Variants in CXCR4 observed in about 807,000 individuals in gnomAD.
The protein encoded by CXCR4 is C-X-C chemokine receptor type 4.
A neutral mutation model predicts 22.4 loss-of-function variants in CXCR4; 6 were observed. The ratio of observed to expected loss-of-function variants is 0.27; its 90% CI spans 0.15 to 0.53. The LOEUF is 0.53. Among genes scored for constraint, CXCR4 ranks in the 20% least tolerant of loss-of-function variants. CXCR4 has a pLI of 0.96. For missense variants in CXCR4, 300 were observed against 430.4 expected (o/e 0.70, Z 2.68); for synonymous variants, 155 against 171.7 (o/e 0.90, Z 0.76).
intron 1 of CXCR4, 163 bp from the exon 2 acceptor site, chr2:136,116,075 T>C: frequency 6.5e-7 from 1 of 1,526,732 alleles, no homozygotes; most frequent in African/African-American, 1.4e-5. Flanking sequence ...TGTAGAATCC[T>C]ACAACTCTCC....
In CXCR4 at chr2:136,114,843, A is replaced by C; in HGVS notation, c.*26T>G. 6.4e-7 allele frequency: 1 copy of C among 1,564,444 alleles called. No homozygotes were observed. Among genetic ancestry groups the C allele is most frequent in the Non-Finnish European group, 8.7e-7 (1 of 1,150,836 alleles). On this transcript the variant is annotated 3_prime_UTR_variant, in exon 2 of 2. Coordinates refer to ENST00000241393, the MANE Select transcript of CXCR4 (RefSeq NM_003467.3). ...AACTTAAAAAAAAGTTATTTATCGTATAAAAAAAAGTCTTTTACATCTGTG... is the reference window on the plus strand; with the variant it reads ...AACTTAAAAAAAAGTTATTTATCGTCTAAAAAAAAGTCTTTTACATCTGTG...
intron 1 of CXCR4, chr2:136,117,739 T>C (rs2104921668): frequency 8.0e-6 from 3 of 376,474 alleles, no homozygotes; most frequent in South Asian, 3.1e-5. Flanking sequence ...GCACAGAATG[T>C]TCTTACGTTT....
At chr2:136,116,082 C>G (rs1684881740) in intron 1 of CXCR4, 170 bp from the exon 2 acceptor site, 2 of 1,517,576 alleles carry the variant, frequency 1.3e-6, no homozygotes, top group South Asian at 2.6e-5. Flanking sequence ...TCCTACAACT[C>G]TCCTCCCCAT....
At chr2:136,116,593 C>T (rs1684900389) in intron 1 of CXCR4, among the ~76,000 whole-genome samples, 1 of 152,174 alleles carries the variant, frequency 6.6e-6, no homozygotes, top group African/African-American at 2.4e-5. Context: ...ACGGCACCTC[C>T]TCCCCCAAGC....
In CXCR4 at chr2:136,118,122, T is replaced by C. The variant is rs535221466; in HGVS notation, c.-62A>G. 1.3e-6 allele frequency: 2 copies of C among 1,547,210 alleles called. No homozygotes were observed. Among genetic ancestry groups the C allele is most frequent in the South Asian group, 1.1e-5 (1 of 88,902 alleles). Reference sequence around the variant, plus strand: ...AGCACTCAGGCCCTCGGCGTCACTTTGCTACCTGCTGCCGCAGCCAACAAA... The same window carrying C: ...AGCACTCAGGCCCTCGGCGTCACTTCGCTACCTGCTGCCGCAGCCAACAAA... On this transcript the variant is annotated 5_prime_UTR_variant, in exon 1 of 2. Coordinates refer to ENST00000241393, the MANE Select transcript of CXCR4 (RefSeq NM_003467.3).
At position 136,115,627 on chromosome 2, in the gene CXCR4, T is replaced by C. The variant is rs1179340105; in HGVS notation, c.301A>G (p.Asn101Asp). 2.5e-6 allele frequency: 4 copies of C among 1,614,116 alleles called. No homozygotes were observed. The highest frequency in any genetic ancestry group is 1.1e-5 in the South Asian group (1 of 91,078). ...LPFWAVDAVA[N>D]WYFGNFLCKA... ...CATAGGAAGTTCCCAAAGTACCAGT[T>C]TGCCACGGCATCAACTGCCCAGAAG... The change falls in exon 2 of 2, where the codon AAC becomes GAC. Residue 101 changes from asparagine to aspartate, a missense_variant. This residue lies in a region of CXCR4 where 118 missense variants were observed against 188.2 expected (regional missense o/e 0.63). Coordinates refer to ENST00000241393, the MANE Select transcript of CXCR4 (RefSeq NM_003467.3). This position sits in a 1 kb window ranked among gnomAD's most constrained non-coding sequence, Gnocchi z 6.4.
chr2:136,117,912 C>G (rs1684962572), intron 1 of CXCR4, 134 bp downstream of exon 1: 6 of 379,908 alleles, frequency 1.6e-5, no homozygotes, highest in African/African-American at 8.7e-5. Context: ...GTCAAGAAAA[C>G]TCCTTTCGGT....
intron 1 of CXCR4, among the ~76,000 whole-genome samples, chr2:136,116,861 C>A (rs1394358392): frequency 6.6e-6 from 1 of 152,160 alleles, no homozygotes; most frequent in African/African-American, 2.4e-5. Context: ...TCGTCCAGCC[C>A]CGGGCCGCCG....
Position 136,118,039 on chromosome 2 carries a change from G to C in CXCR4, c.15+7C>G. On this transcript the variant is annotated splice_region_variant and intron_variant, in intron 1 of 1. Transcript: ENST00000241393. ...TTTATGACAAAGCAGGTTGAAACTG[G>C]ACTTACACTGATCCCCTCCATGGTA... 1.2e-6 allele frequency: 2 copies of C among 1,613,706 alleles called. No individual in the cohort carries two copies. The highest frequency in any genetic ancestry group is 1.7e-6 in the Non-Finnish European group (2 of 1,179,662).
chr2:136,117,999 T>G, intron 1 of CXCR4, 47 bp downstream of exon 1: 8 of 1,606,324 alleles, frequency 5.0e-6, no homozygotes, highest in Non-Finnish European at 6.0e-6. Context: ...CGCTCTAAGT[T>G]CAAACGTTTG....
intron 1 of CXCR4, chr2:136,117,814 A>G: frequency 3.8e-6 from 2 of 521,578 alleles, no homozygotes; most frequent in Non-Finnish European, 6.8e-6. Context: ...AGCCACTGGA[A>G]CGCTCTTTCC....
rs1684825204 is a variant in CXCR4 at position 136,114,371 on chromosome 2, T to G, written c.*498A>C. 4.6e-6 allele frequency: 1 copy of G among 215,266 alleles called. No individual in the cohort carries two copies. Among genetic ancestry groups the G allele is most frequent in the Non-Finnish European group, 9.4e-6 (1 of 106,520 alleles). 13.3% of individuals were successfully genotyped at this position (215,266 alleles called of 1,614,324 possible). On this transcript the variant is annotated 3_prime_UTR_variant, in exon 2 of 2. Coordinates refer to ENST00000241393, the MANE Select transcript of CXCR4 (RefSeq NM_003467.3). Reference sequence around the variant, plus strand: ...AAGTAAGTTTAACATGTACTTTTATTAACAACTTAATACAAGACTGTACAC... The same window carrying G: ...AAGTAAGTTTAACATGTACTTTTATGAACAACTTAATACAAGACTGTACAC...
chr2:136,114,737 C>A lies in CXCR4; in HGVS notation c.*132G>T. 1.2e-6 allele frequency: 1 copy of A among 832,584 alleles called. No homozygotes were observed. Among genetic ancestry groups the A allele is most frequent in the South Asian group, 1.9e-5 (1 of 53,614 alleles). The allele number at this position is 832,584 out of a possible 1,614,324, so 51.6% of individuals were successfully genotyped here. ...ATAAGTCAATTAAACTTCACAAAAACTAAAGAAACACAAGACAAAAATCCA... is the reference window on the plus strand; with the variant it reads ...ATAAGTCAATTAAACTTCACAAAAAATAAAGAAACACAAGACAAAAATCCA... On this transcript the variant is annotated 3_prime_UTR_variant, in exon 2 of 2. Transcript: ENST00000241393.
intron 1 of CXCR4, among the ~76,000 whole-genome samples, chr2:136,116,725 C>T (rs981825791): frequency 2.0e-5 from 3 of 152,154 alleles, no homozygotes; most frequent in Admixed American, 1.3e-4. Context: ...CACCCGTGGT[C>T]CTCGCCCCAA....
At chr2:136,117,759 G>C (rs996591223) in intron 1 of CXCR4, 1 of 435,520 alleles carries the variant, frequency 2.3e-6, no homozygotes, top group Admixed American at 4.2e-5. Context: ...TGCAAACAGC[G>C]TGCAAGCCGC....
At position 136,114,662 on chromosome 2, in the gene CXCR4, C is replaced by A. The variant is rs1201647769; in HGVS notation, c.*207G>T. 2.2e-6 allele frequency: 1 copy of A among 460,296 alleles called. No homozygotes were observed. Among genetic ancestry groups the A allele is most frequent in the African/African-American group, 2.0e-5 (1 of 50,718 alleles). 28.5% of individuals were successfully genotyped at this position (460,296 alleles called of 1,614,324 possible). The stretch of plus-strand genomic sequence containing the variant: ...CATACAGCAACTAAGAACTTGGCCA[C>A]AGGTCCTGCCTAGACACACATCAAT... On this transcript the variant is annotated 3_prime_UTR_variant, in exon 2 of 2. Transcript: ENST00000241393.
At chr2:136,117,869 T>TCTCCCC in intron 1 of CXCR4, 177 bp downstream of exon 1, 5 of 170,806 alleles carry the variant, frequency 2.9e-5, no homozygotes, top group South Asian at 1.4e-4. Context: ...CCAATCCTGC[T>TCTCCCC]CCCCCCCCAC....
chr2:136,116,197 A>T (rs553124006), intron 1 of CXCR4: 24 of 1,341,224 alleles, frequency 1.8e-5, no homozygotes, highest in Non-Finnish European at 2.3e-5. Flanking sequence ...TCAAAGTCAC[A>T]TCTTGGCTAA....
chr2:136,118,028 G>A lies in CXCR4; in HGVS notation c.15+18C>T, dbSNP rs774545896. 2.5e-6 allele frequency: 4 copies of A among 1,613,238 alleles called. No individual in the cohort carries two copies. The highest frequency in any genetic ancestry group is 1.3e-5 in the African/African-American group (1 of 74,928). Reference sequence around the variant, plus strand: ...ACGTTTGTACATTTATGACAAAGCAGGTTGAAACTGGACTTACACTGATCC... The same window carrying A: ...ACGTTTGTACATTTATGACAAAGCAAGTTGAAACTGGACTTACACTGATCC... On this transcript the variant is annotated intron_variant, in intron 1 of 1. Transcript: ENST00000241393.
Sources: allele counts gnomAD v4.1 joint callset (sites outside exome capture counted in the v4.1 genomes callset), GRCh38; gene constraint gnomAD v4.1.1; regional missense constraint gnomAD v4.1.1; non-coding constraint Gnocchi (gnomAD v3.1); transcripts MANE v1.5; gene names NCBI Gene and HGNC (gene_info 2026-07-23, HGNC 2026-07-21).